Variants in FNIP1 observed in about 807,000 individuals in gnomAD.
FNIP1 encodes folliculin-interacting protein 1.
Under a neutral mutation model 124.5 loss-of-function variants are expected in FNIP1, and 40 were observed. The ratio of observed to expected loss-of-function variants is 0.32; its 90% CI spans 0.25 to 0.42. FNIP1 has a LOEUF of 0.42. Ranked by LOEUF, FNIP1 falls within the 10% of genes least tolerant of loss-of-function variation. The pLI is 1.00. For synonymous variants in FNIP1, 472 were observed against 470.6 expected (o/e 1.00, Z -0.04); for missense variants, 1,176 against 1,403.7 (o/e 0.84, Z 2.59).
At chr5:131,663,203 G>A (rs1446769286) in intron 15 of FNIP1, among the ~76,000 whole-genome samples, 1 of 152,136 alleles carries the variant, frequency 6.6e-6, no homozygotes, top group East Asian at 1.9e-4. Context: ...ACTGAAATCT[G>A]GTAATAAAAG....
intron 7 of FNIP1, 48 bp from the exon 8 acceptor site, chr5:131,709,320 G>T: frequency 6.7e-7 from 1 of 1,486,426 alleles, no homozygotes; most frequent in Non-Finnish European, 9.4e-7. Context: ...TTGCTATTCA[G>T]GTGGATGAAC....
chr5:131,773,043 A>G (rs577245123), intron 1 of FNIP1, among the ~76,000 whole-genome samples: 197 of 152,204 alleles, frequency 1.3e-3, no homozygotes, highest in Non-Finnish European at 2.0e-3. Flanking sequence ...AATAATCATC[A>G]AACCTGTCAT....
chr5:131,705,538 A>G (rs1296519123), intron 9 of FNIP1, among the ~76,000 whole-genome samples: 2 of 152,190 alleles, frequency 1.3e-5, no homozygotes, highest in Non-Finnish European at 2.9e-5. Flanking sequence ...ATCCACAATG[A>G]GGAACCACTT....
At chr5:131,669,017 AAG>A (rs2149513429) in intron 15 of FNIP1, among the ~76,000 whole-genome samples, 1 of 152,332 alleles carries the variant, frequency 6.6e-6, no homozygotes, top group East Asian at 1.9e-4. Flanking sequence ...TCAGGAACAA[AAG>A]AGGGGACATC....
intron 3 of FNIP1, among the ~76,000 whole-genome samples, chr5:131,730,668 C>T (rs1434072779): frequency 6.6e-6 from 1 of 152,110 alleles, no homozygotes; most frequent in Admixed American, 6.6e-5. Context: ...CCCAATAAAT[C>T]TGAATTGGGA....
At chr5:131,645,690 A>G (rs989680593) in intron 17 of FNIP1, among the ~76,000 whole-genome samples, 11 of 152,228 alleles carry the variant, frequency 7.2e-5, no homozygotes, top group African/African-American at 2.4e-4. Context: ...ATTTCAAGGA[A>G]TTTATCCTAC....
chr5:131,724,458 C>T (rs1023316779), intron 3 of FNIP1, among the ~76,000 whole-genome samples: 1 of 152,106 alleles, frequency 6.6e-6, no homozygotes, highest in Non-Finnish European at 1.5e-5. Flanking sequence ...TCTCTGGTGA[C>T]CAGTGATAAA....
At chr5:131,660,699 C>G (rs906655817) in intron 15 of FNIP1, among the ~76,000 whole-genome samples, 2 of 152,174 alleles carry the variant, frequency 1.3e-5, no homozygotes, top group Non-Finnish European at 2.9e-5. Context: ...TACTACAATA[C>G]CATAGTCTTT....
At chr5:131,656,222 A>G (rs1306577560) in intron 15 of FNIP1, among the ~76,000 whole-genome samples, 1 of 152,230 alleles carries the variant, frequency 6.6e-6, no homozygotes, top group East Asian at 1.9e-4. Context: ...GCTCTCAAGA[A>G]AAGTAGAGAG....
At position 131,710,612 on chromosome 5, in the gene FNIP1, C is replaced by T. The variant is rs777013179; in HGVS notation, c.672G>A (p.Pro224=). 2.5e-5 allele frequency: 41 copies of T among 1,613,988 alleles called. 1 individual carries two copies. The South Asian group carries it at 3.5e-4, about 14-fold the overall frequency. The change falls in exon 7 of 18, where the codon CCG becomes CCA. Residue 224 remains proline (P), a synonymous_variant. Coordinates refer to ENST00000510461, the MANE Select transcript of FNIP1 (RefSeq NM_133372.3). The part of the protein sequence containing the change: ...SPRRAFSEQG[P]LRLIRSASFF... ...AAGAGGCGCTCCTGATCAGGCGGAG[C>T]GGACCCTGCTCAGAGAATGCCCGCC...
chr5:131,748,530 A>AATAAGT (rs1327260432), intron 1 of FNIP1, among the ~76,000 whole-genome samples: 1 of 151,890 alleles, frequency 6.6e-6, no homozygotes, highest in Non-Finnish European at 1.5e-5. Context: ...TGTCTCTACT[A>AATAAGT]AAAGTACAAA....
chr5:131,682,842 T>C (rs1768136907), intron 11 of FNIP1, among the ~76,000 whole-genome samples: 1 of 152,206 alleles, frequency 6.6e-6, no homozygotes, highest in Non-Finnish European at 1.5e-5. Context: ...TCCCCTTATT[T>C]TTCCCAGTCT....
rs781776446 is a variant in FNIP1, at chr5:131,651,832, C to T, written c.3276G>A (p.Gln1092=). ...TTGGAGACAAGTTATGCTTATAAAG[C>T]TGAAGTGTGGAATGAAGCAGATTGG... The part of the protein sequence containing the change: ...LVSNLLHSTL[Q]LYKHNLSPNF... The change falls in exon 16 of 18, where the codon CAG becomes CAA. Residue 1092 remains glutamine, a synonymous_variant. Transcript: ENST00000510461. The T allele has an allele frequency of 1.2e-6, 2 of 1,613,990 alleles. No homozygotes were observed. Among genetic ancestry groups the T allele is most frequent in the African/African-American group, 2.7e-5 (2 of 74,912 alleles).
Position 131,671,992 on chromosome 5 carries a change from G to T in FNIP1, c.2452C>A (p.Pro818Thr). The change falls in exon 14 of 18, where the codon CCC (proline) becomes ACC (threonine). Residue 818 changes from proline (P) to threonine (T), a missense_variant. Pro to Thr is a conservative substitution (Grantham distance 38). This residue lies in a region of FNIP1 where 1,109 missense variants were observed against 1,288.5 expected (regional missense o/e 0.86). Transcript: ENST00000510461. Reference protein sequence around the residue: ...SDTQNMVSEEPCELPCWNHSD... With the variant: ...SDTQNMVSEETCELPCWNHSD... Reference sequence around the variant, plus strand: ...TGATTCCAACAGGGAAGTTCACAGGGCTCTTCAGAAACCATGTTCTGTGTA... The same window carrying T: ...TGATTCCAACAGGGAAGTTCACAGGTCTCTTCAGAAACCATGTTCTGTGTA... The T allele has an allele frequency of 1.2e-6, 2 of 1,614,160 alleles. No homozygotes were observed. Among genetic ancestry groups the T allele is most frequent in the South Asian group, 2.2e-5 (2 of 91,084 alleles).
At chr5:131,703,517 G>A (rs1430980266) in intron 10 of FNIP1, among the ~76,000 whole-genome samples, 3 of 152,126 alleles carry the variant, frequency 2.0e-5, no homozygotes, top group African/African-American at 4.8e-5. Context: ...CCTTGGCCTC[G>A]TAATGCTGCT....
chr5:131,669,503 A>G (rs753436344), intron 15 of FNIP1, among the ~76,000 whole-genome samples: 19 of 152,182 alleles, frequency 1.2e-4, no homozygotes, highest in Non-Finnish European at 2.6e-4. Flanking sequence ...CTTCCTAGGA[A>G]TACAATGGTT....
intron 1 of FNIP1, among the ~76,000 whole-genome samples, chr5:131,770,939 CT>C (rs928445219): frequency 2.0e-5 from 3 of 151,960 alleles, no homozygotes; most frequent in Non-Finnish European, 2.9e-5. Flanking sequence ...GATATAAATT[CT>C]TTTTTTTATT....
chr5:131,644,855 T>C (rs1766821857), intron 17 of FNIP1, 92 bp from the exon 18 acceptor site: 3 of 1,254,824 alleles, frequency 2.4e-6, no homozygotes, highest in Non-Finnish European at 3.5e-6. Flanking sequence ...AAGGTCACTA[T>C]ACCTCAACGG....
At chr5:131,711,333 G>A (rs1243356588) in intron 6 of FNIP1, among the ~76,000 whole-genome samples, 3 of 152,204 alleles carry the variant, frequency 2.0e-5, no homozygotes, top group Admixed American at 2.0e-4. Context: ...TCAAGAAAAG[G>A]TAACTGCAGT....
Sources: allele counts gnomAD v4.1 joint callset (sites outside exome capture counted in the v4.1 genomes callset), GRCh38; gene constraint gnomAD v4.1.1; regional missense constraint gnomAD v4.1.1; transcripts MANE v1.5; gene names NCBI Gene and HGNC (gene_info 2026-07-23, HGNC 2026-07-21).